Variants in TENM1 observed in about 807,000 individuals in gnomAD.
TENM1 encodes the protein teneurin-1.
In TENM1, 35 loss-of-function variants were observed where a neutral mutation model predicts 174.8. That is an observed-to-expected ratio of 0.20 (90% confidence interval 0.15 to 0.27). The LOEUF (loss-of-function observed/expected upper bound fraction) is 0.27. Among genes scored for constraint, TENM1 ranks in the 10% least tolerant of loss-of-function variants. The pLI, the probability that TENM1 is intolerant of heterozygous loss-of-function variation, is 1.00. For synonymous variants in TENM1, 781 were observed against 798.7 expected, an observed-to-expected ratio of 0.98 and a Z score of 0.37; for missense variants, 1,633 against 2,130.1, an observed-to-expected ratio of 0.77 and a Z score of 4.59.
intron 28 of TENM1, among the ~76,000 whole-genome samples, chrX:124,391,057 A>G (rs1328852555): frequency 8.9e-6 from 1 of 111,860 alleles, no homozygotes; most frequent in African/African-American, 3.2e-5. Context: ...GGGAACTAGT[A>G]ACATGGTTTG....
chrX:124,846,317 C>T (rs748453774), intron 3 of TENM1, among the ~76,000 whole-genome samples: 2 of 110,539 alleles, frequency 1.8e-5, no homozygotes, highest in East Asian at 2.8e-4. Flanking sequence ...CTGAGCTGAA[C>T]CGCAAAAAAA....
At chrX:124,467,357 C>T (rs1483771558) in intron 22 of TENM1, among the ~76,000 whole-genome samples, 1 of 111,732 alleles carries the variant, frequency 8.9e-6, no homozygotes, top group Non-Finnish European at 1.9e-5. Flanking sequence ...AACTCACTCC[C>T]AAGGGAACAG....
At chrX:125,113,323 T>A in the TENM1 span, among the ~76,000 whole-genome samples, 1 of 111,002 alleles carries the variant, frequency 9.0e-6, no homozygotes, top group Admixed American at 9.6e-5. Flanking sequence ...GATCTTGGAA[T>A]ATGCAAGAAC....
the TENM1 span, among the ~76,000 whole-genome samples, chrX:125,049,576 G>C: frequency 8.9e-6 from 1 of 112,177 alleles, no homozygotes; most frequent in South Asian, 3.6e-4. Context: ...GGGCAATATA[G>C]AAACTATGTT....
rs2052616585 is a variant in TENM1 at position 124,695,030 on chromosome X, G to A, written c.1015+9983C>T. Among the ~76,000 whole-genome samples the A allele has an allele frequency of 6.3e-5, 7 of 111,691 alleles. No homozygotes were observed. The Admixed American group carries it at 6.6e-4, about 11-fold the overall frequency. The stretch of plus-strand genomic sequence containing the variant: ...CCTGATAAAGTGCAAATTACGTAAC[G>A]GAGATATAATACACTTATCTTTGTT... On this transcript the variant is annotated intron_variant, in intron 5 of 31. Transcript: ENST00000422452.
chrX:124,949,364 A>T (rs911995104), intron 1 of TENM1, among the ~76,000 whole-genome samples: 4 of 112,079 alleles, frequency 3.6e-5, no homozygotes, highest in African/African-American at 1.3e-4. Context: ...TAAGAAAAAA[A>T]CTGTTGAGCA....
chrX:124,955,265 A>T (rs1223050595), intron 1 of TENM1, among the ~76,000 whole-genome samples: 1 of 111,380 alleles, frequency 9.0e-6, no homozygotes, highest in Non-Finnish European at 1.9e-5. Flanking sequence ...TAAATGCCTG[A>T]GTCCCGCCCA....
intron 6 of TENM1, among the ~76,000 whole-genome samples, chrX:124,670,558 C>G (rs1458340182): frequency 9.0e-6 from 1 of 111,518 alleles, no homozygotes; most frequent in South Asian, 3.8e-4. Context: ...TGAGAACATA[C>G]AGCAAACTGC....
intron 11 of TENM1, among the ~76,000 whole-genome samples, chrX:124,599,981 TA>T (rs1356364051): frequency 5.5e-5 from 6 of 109,901 alleles, no homozygotes; most frequent in Non-Finnish European, 9.5e-5. Flanking sequence ...GATATATAAA[TA>T]GATAAAAAGG....
intron 4 of TENM1, among the ~76,000 whole-genome samples, chrX:124,724,955 T>G (rs1015926647): frequency 9.0e-6 from 1 of 111,666 alleles, no homozygotes; most frequent in African/African-American, 3.3e-5. Context: ...TTCTGACATA[T>G]GAGGACAAAG....
chrX:124,542,360 A>G (rs1325347234), intron 15 of TENM1, among the ~76,000 whole-genome samples: 1 of 112,020 alleles, frequency 8.9e-6, no homozygotes, highest in Non-Finnish European at 1.9e-5. Context: ...CCTAGGGTGA[A>G]CCAAGAAACT....
chrX:124,530,250 A>G (rs1157199258), intron 15 of TENM1, among the ~76,000 whole-genome samples: 2 of 110,350 alleles, frequency 1.8e-5, no homozygotes, highest in African/African-American at 6.6e-5. Flanking sequence ...AAATTCCTTA[A>G]TATATCATTT....
the TENM1 span, among the ~76,000 whole-genome samples, chrX:125,133,630 TA>T: frequency 8.8e-4 from 98 of 111,452 alleles, no homozygotes; most frequent in African/African-American, 3.1e-3. Context: ...GGCTTTATTC[TA>T]AAAGAGCAGT....
chrX:124,570,490 A>G (rs192076443), intron 11 of TENM1, among the ~76,000 whole-genome samples: 1 of 111,704 alleles, frequency 9.0e-6, no homozygotes, highest in East Asian at 2.8e-4. Context: ...TTACATAACA[A>G]GAAATAATAT....
chrX:125,019,536 G>A, the TENM1 span, among the ~76,000 whole-genome samples: 1 of 110,828 alleles, frequency 9.0e-6, no homozygotes, highest in Admixed American at 9.6e-5. Context: ...TTACTTTATT[G>A]TAGACACAAA....
At chrX:124,942,393 G>A (rs1325378520) in intron 1 of TENM1, among the ~76,000 whole-genome samples, 2 of 111,791 alleles carry the variant, frequency 1.8e-5, no homozygotes, top group Non-Finnish European at 3.8e-5. Context: ...CCACTGGAGA[G>A]GAATGTGCTT....
chrX:124,902,778 T>C (rs1215519046), intron 1 of TENM1, among the ~76,000 whole-genome samples: 1 of 112,488 alleles, frequency 8.9e-6, no homozygotes, highest in Non-Finnish European at 1.9e-5. Flanking sequence ...CAAAATAGTC[T>C]CCTCTGATTT....
the TENM1 span, among the ~76,000 whole-genome samples, chrX:125,086,853 G>A: frequency 2.7e-5 from 3 of 111,259 alleles, no homozygotes; most frequent in African/African-American, 9.8e-5. Context: ...ATCACTCTCA[G>A]ATGGGAGAGA....
At chrX:124,446,336 G>A (rs1328033908) in intron 23 of TENM1, among the ~76,000 whole-genome samples, 1 of 112,544 alleles carries the variant, frequency 8.9e-6, no homozygotes, top group East Asian at 2.8e-4. Context: ...GGCAGATGGG[G>A]ATAATAATAT....
Sources: gnomAD v4.1 joint callset for allele counts (sites outside exome capture counted in the v4.1 genomes callset) on GRCh38, gnomAD v4.1.1 for gene constraint, MANE v1.5 for transcripts, NCBI Gene and HGNC (gene_info 2026-07-23, HGNC 2026-07-21) for gene names.